DPP10: variants seen among roughly 807,000 people sequenced by gnomAD.
The protein encoded by DPP10 is inactive dipeptidyl peptidase 10.
DPP10 carries 33 observed loss-of-function variants against 120.9 expected under a neutral mutation model. That is an observed-to-expected ratio of 0.27 (90% CI 0.21 to 0.37). The LOEUF (loss-of-function observed/expected upper bound fraction) is 0.37. Among genes scored for constraint, DPP10 ranks in the 10% least tolerant of loss-of-function variants. DPP10 has a pLI of 1.00. For missense variants in DPP10, 816 were observed against 942.8 expected (o/e 0.87, Z 1.76); for synonymous variants, 337 against 326.1 (o/e 1.03, Z -0.36).
intron 5 of DPP10, among the ~76,000 whole-genome samples, chr2:115,581,152 T>G (rs551666126): frequency 6.6e-6 from 1 of 152,270 alleles, no homozygotes; most frequent in African/African-American, 2.4e-5. Context: ...GCTTCTATGC[T>G]CTTGGTGGAG....
chr2:115,334,594 A>G (rs548799088), intron 2 of DPP10, among the ~76,000 whole-genome samples: 11 of 152,080 alleles, frequency 7.2e-5, no homozygotes, highest in South Asian at 4.1e-4. Flanking sequence ...TATTTTTCCA[A>G]TAACTATAAA....
intron 5 of DPP10, among the ~76,000 whole-genome samples, chr2:115,641,064 T>C (rs1481326637): frequency 6.6e-6 from 1 of 152,164 alleles, no homozygotes; most frequent in African/African-American, 2.4e-5. Flanking sequence ...TTATATGATA[T>C]ACATACAGGA....
chr2:115,458,275 A>G (rs1283222584), intron 3 of DPP10, among the ~76,000 whole-genome samples: 2 of 152,180 alleles, frequency 1.3e-5, no homozygotes, highest in Non-Finnish European at 2.9e-5. Context: ...GACTGGAGGA[A>G]ATTCTCAAGA....
intron 1 of DPP10, among the ~76,000 whole-genome samples, chr2:114,648,986 A>G (rs1696360938): frequency 1.3e-5 from 2 of 152,214 alleles, no homozygotes; most frequent in Admixed American, 1.3e-4. Context: ...TTAAGGGTGG[A>G]AAAGCACAAC....
At chr2:115,173,022 G>A (rs753438854) in intron 1 of DPP10, among the ~76,000 whole-genome samples, 9 of 152,168 alleles carry the variant, frequency 5.9e-5, no homozygotes, top group Non-Finnish European at 1.0e-4. Flanking sequence ...TTCTTATCAC[G>A]CAGAGAAGTT....
At chr2:114,963,132 G>C (rs1698769648) in intron 1 of DPP10, among the ~76,000 whole-genome samples, 2 of 152,092 alleles carry the variant, frequency 1.3e-5, no homozygotes, top group Admixed American at 1.3e-4. Context: ...TTATACACGA[G>C]GACAGTATGG....
At chr2:115,091,946 C>A (rs946938196) in intron 1 of DPP10, among the ~76,000 whole-genome samples, 1 of 152,210 alleles carries the variant, frequency 6.6e-6, no homozygotes, top group African/African-American at 2.4e-5. Context: ...GTCATCTTGA[C>A]TCTGGTAAGC....
At chr2:115,236,196 T>TA (rs2105524941) in intron 1 of DPP10, among the ~76,000 whole-genome samples, 1 of 152,284 alleles carries the variant, frequency 6.6e-6, no homozygotes, top group Non-Finnish European at 1.5e-5. Flanking sequence ...AAAGAAAACT[T>TA]AGAGGTATTA....
At chr2:115,475,952 G>T (rs573402900) in intron 3 of DPP10, among the ~76,000 whole-genome samples, 5 of 152,100 alleles carry the variant, frequency 3.3e-5, no homozygotes, top group African/African-American at 1.2e-4. Context: ...ACTTGTTTTT[G>T]ATTTTACAAG....
rs2088905302 is a variant in DPP10, at chr2:115,660,891, G to A, written c.442-28796G>A. The stretch of plus-strand genomic sequence containing the variant: ...CTGGGATAATTCTTAAAAACTTAGT[G>A]TGTCATCATGAGAAAATCAAGGATA... On this transcript the variant is annotated intron_variant, in intron 5 of 25. Transcript: ENST00000410059. Among the ~76,000 whole-genome samples, 3 of 151,818 alleles carry A rather than the reference G, an allele frequency of 2.0e-5. No individual in the cohort carries two copies. The South Asian group carries it at 6.2e-4, about 32-fold the overall frequency.
intron 1 of DPP10, among the ~76,000 whole-genome samples, chr2:114,927,527 C>A (rs114331104): frequency 6.6e-6 from 1 of 152,200 alleles, no homozygotes; most frequent in African/African-American, 2.4e-5. Context: ...GGATGAGACA[C>A]AAATGGTTGC....
intron 1 of DPP10, among the ~76,000 whole-genome samples, chr2:115,296,086 C>T (rs941086065): frequency 3.3e-5 from 5 of 152,044 alleles, no homozygotes; most frequent in African/African-American, 2.4e-5. Context: ...GTCTTTGTGG[C>T]CCCCAGCTTT....
At chr2:115,463,048 T>A (rs1012167696) in intron 3 of DPP10, among the ~76,000 whole-genome samples, 3 of 152,278 alleles carry the variant, frequency 2.0e-5, no homozygotes, top group Non-Finnish European at 4.4e-5. Flanking sequence ...TTAATTAATT[T>A]ATTTTCTCTA....
chr2:115,083,448 T>C (rs994241970), intron 1 of DPP10, among the ~76,000 whole-genome samples: 2 of 152,176 alleles, frequency 1.3e-5, no homozygotes, highest in Admixed American at 1.3e-4. Flanking sequence ...CTATTTCACA[T>C]AGTATCACAA....
intron 1 of DPP10, among the ~76,000 whole-genome samples, chr2:114,483,316 C>T (rs918030741): frequency 6.6e-6 from 1 of 151,768 alleles, no homozygotes; most frequent in Admixed American, 6.6e-5. Flanking sequence ...AAGAAGAAAA[C>T]ACAGTGTACA....
At chr2:115,084,000 T>A (rs548603339) in intron 1 of DPP10, among the ~76,000 whole-genome samples, 1 of 152,210 alleles carries the variant, frequency 6.6e-6, no homozygotes, top group African/African-American at 2.4e-5. Flanking sequence ...AGGTTAGTTT[T>A]CTTTCAGGTG....
intron 1 of DPP10, among the ~76,000 whole-genome samples, chr2:115,216,935 T>A (rs1323086045): frequency 6.6e-6 from 1 of 152,022 alleles, no homozygotes; most frequent in African/African-American, 2.4e-5. Flanking sequence ...CTATGTATAT[T>A]TGTCTAACTT....
chr2:115,744,773 A>G (rs528054629), intron 9 of DPP10, among the ~76,000 whole-genome samples: 1 of 150,528 alleles, frequency 6.6e-6, no homozygotes, highest in East Asian at 1.9e-4. Flanking sequence ...GGGTTTTGTC[A>G]ATGCCAATTC....
chr2:114,591,242 T>C (rs1250754245), intron 1 of DPP10, among the ~76,000 whole-genome samples: 9 of 152,224 alleles, frequency 5.9e-5, no homozygotes, highest in Admixed American at 5.2e-4. Flanking sequence ...ACTTTCATCT[T>C]GTTTGAGACT....
Sources: allele counts gnomAD v4.1 joint callset (sites outside exome capture counted in the v4.1 genomes callset), GRCh38; gene constraint gnomAD v4.1.1; transcripts MANE v1.5; gene names NCBI Gene and HGNC (gene_info 2026-07-23, HGNC 2026-07-21).